ZDHHC20: variants seen among roughly 807,000 people sequenced by gnomAD.
ZDHHC20 encodes the protein palmitoyltransferase ZDHHC20.
In ZDHHC20, 43 loss-of-function variants were observed where a neutral mutation model predicts 57.8. The ratio of observed to expected loss-of-function variants is 0.74; its 90% CI spans 0.58 to 0.96. The LOEUF (loss-of-function observed/expected upper bound fraction) is 0.96, where lower values mean the gene tolerates loss of function less well. Ranked by LOEUF, ZDHHC20 falls within the 40% of genes least tolerant of loss-of-function variation. ZDHHC20 has a pLI of 0.00. For missense variants in ZDHHC20, 391 were observed against 441.1 expected, an observed-to-expected ratio of 0.89 and a Z score of 1.02; for synonymous variants, 157 against 153.0, an observed-to-expected ratio of 1.03 and a Z score of -0.19.
chr13:21,427,371 G>A (rs1566099841), intron 1 of ZDHHC20, among the ~76,000 whole-genome samples: 1 of 152,268 alleles, frequency 6.6e-6, no homozygotes, highest in East Asian at 1.9e-4. Context: ...TGAACTAAAA[G>A]TCTGTTCAGA....
At chr13:21,378,512 G>A (rs578140925) in intron 12 of ZDHHC20, 149 bp downstream of exon 12, 2 of 373,228 alleles carry the variant, frequency 5.4e-6, no homozygotes, top group Non-Finnish European at 9.5e-6. Context: ...TGAGATTTGG[G>A]CAGATGTTAC....
At chr13:21,433,401 A>G (rs904604169) in intron 1 of ZDHHC20, among the ~76,000 whole-genome samples, 15 of 152,264 alleles carry the variant, frequency 9.9e-5, no homozygotes, top group African/African-American at 3.4e-4. Flanking sequence ...GCGGATCATG[A>G]GGTCAGGAGA....
chr13:21,391,846 C>G lies in ZDHHC20; in HGVS notation c.603G>C (p.Leu201=), dbSNP rs752656061. The change falls in exon 8 of 13, where the codon CTG becomes CTC. Residue 201 remains leucine (L), a synonymous_variant. Coordinates refer to ENST00000400590, the MANE Select transcript of ZDHHC20 (RefSeq NM_001330059.2). The stretch of plus-strand genomic sequence containing the variant: ...CGTGGAATTTTGCACGTGTATCTGT[C>G]AGTTCATTCTGAGGAAAAAAAGAAG... ...EYFIKFWTNE[L]TDTRAKFHVL... 1.4e-5 allele frequency: 22 copies of G among 1,609,966 alleles called. No homozygotes were observed. In the South Asian group the frequency reaches 2.2e-4, roughly 16 times the overall value.
chr13:21,377,189 C>A (rs531238068), intron 12 of ZDHHC20: 2 of 202,242 alleles, frequency 9.9e-6, no homozygotes, highest in Non-Finnish European at 2.0e-5. Context: ...CTGACTGCAG[C>A]GCACTCGGCC....
rs543353901 is a variant in ZDHHC20 at position 21,430,000 on chromosome 13, A to C, written c.119-4322T>G. Among the ~76,000 whole-genome samples the C allele has an allele frequency of 1.6e-4, 24 of 152,310 alleles. No homozygotes were observed. In the South Asian group the frequency reaches 4.6e-3, roughly 29 times the overall value. ...GAATTCTATTTTTTCATAATTCAAT[A>C]GCAAATTGAATCACTTTAAAGATAG... On this transcript the variant is annotated intron_variant, in intron 1 of 12. Coordinates refer to ENST00000400590, the MANE Select transcript of ZDHHC20 (RefSeq NM_001330059.2).
chr13:21,391,629 C>T, intron 8 of ZDHHC20, 93 bp downstream of exon 8: 1 of 1,337,554 alleles, frequency 7.5e-7, no homozygotes, highest in South Asian at 1.5e-5. Flanking sequence ...TTGTCTTACA[C>T]TTCTGTATCA....
At position 21,411,207 on chromosome 13, in the gene ZDHHC20, C is replaced by T. The variant is rs574504412; in HGVS notation, c.370+2445G>A. ...GGGCTCCACCCACTGTCTAACCAGT[C>T]CCAATGAGATGAAGAGGGTACCTCA... On this transcript the variant is annotated intron_variant, in intron 4 of 12. Transcript: ENST00000400590. 1.3e-3 allele frequency among the ~76,000 whole-genome samples: 199 copies of T among 152,318 alleles called. 3 individuals are homozygous for T. Among genetic ancestry groups the T allele is most frequent in the Middle Eastern group, 6.8e-3 (2 of 294 alleles).
rs1344838816 is a variant in ZDHHC20, at chr13:21,372,668, G to C, written c.*4028C>G. ...CTGTGTACATGTCAATGTAGGTTAG[G>C]CCAGCCAAAAGACAAAGCAAAGCAT... On this transcript the variant is annotated 3_prime_UTR_variant, in exon 13 of 13. Transcript: ENST00000400590. 6.6e-6 allele frequency: 1 copy of C among 152,128 alleles called. No individual in the cohort carries two copies. The allele number at this position is 152,128 out of a possible 1,614,324, so 9.4% of individuals were successfully genotyped here.
At position 21,381,497 on chromosome 13, in the gene ZDHHC20, G is replaced by T. The variant is rs1251132915; in HGVS notation, c.997C>A (p.Arg333Ser). The T allele has an allele frequency of 3.7e-6, 6 of 1,613,654 alleles. No homozygotes were observed. Among genetic ancestry groups the T allele is most frequent in the Non-Finnish European group, 5.1e-6 (6 of 1,179,856 alleles). ...CACTGAGATTCACTGTCCAACAAGC[G>T]GTTTTTTGATTCACTAAGTGGTTTG... ...PIKPLSESKN[R>S]LLDSESQWLE... The change falls in exon 11 of 13, where the codon CGC (arginine) becomes AGC (serine). Residue 333 changes from arginine to serine, a missense_variant. This residue lies in a region of ZDHHC20 where 197 missense variants were observed against 220.8 expected (regional missense o/e 0.89). Coordinates refer to ENST00000400590, the MANE Select transcript of ZDHHC20 (RefSeq NM_001330059.2).
intron 3 of ZDHHC20, among the ~76,000 whole-genome samples, chr13:21,415,549 T>G (rs1215886119): frequency 6.6e-6 from 1 of 152,198 alleles, no homozygotes; most frequent in Non-Finnish European, 1.5e-5. Context: ...AGGCCCCTTA[T>G]CTAATCTTCC....
In ZDHHC20 at chr13:21,373,376, A is replaced by C. The variant is rs796524754; in HGVS notation, c.*3320T>G. 6.6e-6 allele frequency: 1 copy of C among 152,250 alleles called. No individual in the cohort carries two copies. Among genetic ancestry groups the C allele is most frequent in the South Asian group, 2.1e-4 (1 of 4,836 alleles). 9.4% of individuals were successfully genotyped at this position (152,250 alleles called of 1,614,324 possible). ...GTCAAAATCTGCTAATAGAAATACA[A>C]TTCAAGTAAACATTGCATATTTGAT... is the stretch of plus-strand genomic sequence containing the variant. On this transcript the variant is annotated 3_prime_UTR_variant, in exon 13 of 13. Coordinates refer to ENST00000400590, the MANE Select transcript of ZDHHC20 (RefSeq NM_001330059.2).
rs979208891 is a variant in ZDHHC20 at position 21,446,171 on chromosome 13, G to A, written c.118+12883C>T. ...GAAAGCCATCAGAGGGTGCTGAGCA[G>A]AGGAGTAATAATCATGACTTGTATT... is the stretch of plus-strand genomic sequence containing the variant. On this transcript the variant is annotated intron_variant, in intron 1 of 12. Coordinates refer to ENST00000400590, the MANE Select transcript of ZDHHC20 (RefSeq NM_001330059.2). Among the ~76,000 whole-genome samples, 2 of 152,254 alleles carry A rather than the reference G, an allele frequency of 1.3e-5. 1 individual carries two copies.
intron 1 of ZDHHC20, among the ~76,000 whole-genome samples, chr13:21,447,366 CCATCT>C (rs1193068924): frequency 6.6e-6 from 1 of 150,546 alleles, no homozygotes; most frequent in African/African-American, 2.4e-5. Context: ...TGTACCGCTG[CCATCT>C]CGGCTCACTG....
intron 4 of ZDHHC20, among the ~76,000 whole-genome samples, chr13:21,403,662 A>G (rs530739118): frequency 1.1e-4 from 16 of 152,286 alleles, no homozygotes; most frequent in Admixed American, 2.6e-4. Context: ...CATGTCCCTC[A>G]GGGAGAAAGA....
intron 1 of ZDHHC20, among the ~76,000 whole-genome samples, chr13:21,432,655 G>A (rs542516703): frequency 1.3e-5 from 2 of 152,156 alleles, no homozygotes; most frequent in Non-Finnish European, 2.9e-5. Flanking sequence ...TTTTAATAAA[G>A]ATAGGGTTTC....
At chr13:21,391,657 T>C in intron 8 of ZDHHC20, 65 bp downstream of exon 8, 1 of 1,514,944 alleles carries the variant, frequency 6.6e-7, no homozygotes, top group Non-Finnish European at 8.9e-7. Context: ...CTTGTTCTTC[T>C]CTAGATTTCA....
intron 1 of ZDHHC20, among the ~76,000 whole-genome samples, chr13:21,440,069 A>AG (rs1882980183): frequency 6.2e-5 from 1 of 16,200 alleles, no homozygotes; most frequent in Non-Finnish European, 1.9e-4. Context: ...TGTTTCTCAG[A>AG]AAAAAAAAAA....
intron 1 of ZDHHC20, among the ~76,000 whole-genome samples, chr13:21,431,878 T>C (rs1432361402): frequency 6.6e-6 from 1 of 152,224 alleles, no homozygotes; most frequent in Admixed American, 6.5e-5. Flanking sequence ...GTGCCAATAT[T>C]TTCTCCTAGG....
chr13:21,450,146 C>T (rs909122203), intron 1 of ZDHHC20, among the ~76,000 whole-genome samples: 7 of 151,864 alleles, frequency 4.6e-5, no homozygotes, highest in African/African-American at 1.7e-4. Flanking sequence ...TTAGGAGCAG[C>T]AGGTTCAAGG....
Sources: gnomAD v4.1 joint callset for allele counts (sites outside exome capture counted in the v4.1 genomes callset) on GRCh38, gnomAD v4.1.1 for gene constraint, gnomAD v4.1.1 regional missense constraint, MANE v1.5 for transcripts, NCBI Gene and HGNC (gene_info 2026-07-23, HGNC 2026-07-21) for gene names.